The following ADAMTSL1 variants were observed in gnomAD, a reference collection of about 807,000 sequenced individuals.
The protein encoded by ADAMTSL1 is ADAMTS like 1, also known as ADAMTS-like protein 1.
In ADAMTSL1, 126 loss-of-function variants were observed where a neutral mutation model predicts 201.8. The observed-to-expected ratio is 0.62, with a 90% CI of 0.54 to 0.72. ADAMTSL1 has a LOEUF of 0.72. ADAMTSL1 is among the 30% of genes least tolerant of loss of function. The pLI is 0.00. For synonymous variants in ADAMTSL1, 1,121 were observed against 903.4 expected (o/e 1.24, Z -4.32); for missense variants, 2,679 against 2,277.8 (o/e 1.18, Z -3.59).
At chr9:17,959,024 C>T in intron 1 of ADAMTSL1, among the ~76,000 whole-genome samples, 1 of 152,102 alleles carries the variant, frequency 6.6e-6, no homozygotes. Context: ...CTAAAGTTTT[C>T]TGCCTGTGGG....
At chr9:18,463,447 T>G (rs1253540263) in intron 2 of ADAMTSL1, among the ~76,000 whole-genome samples, 1 of 152,210 alleles carries the variant, frequency 6.6e-6, no homozygotes, top group African/African-American at 2.4e-5. Context: ...GCATTAAGTA[T>G]ATTCACATTA....
intron 2 of ADAMTSL1, among the ~76,000 whole-genome samples, chr9:18,508,745 A>G (rs1336728924): frequency 2.6e-5 from 4 of 152,304 alleles, no homozygotes; most frequent in African/African-American, 9.6e-5. Context: ...AATATTAAAT[A>G]AGTACTTATA....
intron 2 of ADAMTSL1, among the ~76,000 whole-genome samples, chr9:18,213,717 C>G (rs1378209060): frequency 6.6e-6 from 1 of 152,074 alleles, no homozygotes; most frequent in Admixed American, 6.6e-5. Context: ...CCTGAGAGAT[C>G]TGAGACAGAA....
chr9:18,478,157 T>A (rs1454915223), intron 1 of ADAMTSL1, among the ~76,000 whole-genome samples: 1 of 152,190 alleles, frequency 6.6e-6, no homozygotes, highest in Non-Finnish European at 1.5e-5. Flanking sequence ...ATCTCCTAAG[T>A]TGATTCTATC....
At chr9:18,847,556 G>T (rs1826205590) in intron 23 of ADAMTSL1, among the ~76,000 whole-genome samples, 1 of 152,356 alleles carries the variant, frequency 6.6e-6, no homozygotes, top group Non-Finnish European at 1.5e-5. Context: ...TGGGAAGGAG[G>T]TTCCAATTTA....
chr9:18,654,677 T>G (rs989810329), intron 7 of ADAMTSL1, among the ~76,000 whole-genome samples: 3 of 150,260 alleles, frequency 2.0e-5, no homozygotes, highest in African/African-American at 7.3e-5. Flanking sequence ...AACAAAAGCA[T>G]TTTAAAATAG....
intron 3 of ADAMTSL1, among the ~76,000 whole-genome samples, chr9:18,552,868 C>A (rs78652391): frequency 0.013 from 1,990 of 151,632 alleles, 48 homozygotes; most frequent in African/African-American, 0.046. Flanking sequence ...TCTCTTACAT[C>A]TTTTTCTACT....
chr9:18,226,053 A>T (rs1830425441), intron 2 of ADAMTSL1, among the ~76,000 whole-genome samples: 1 of 152,104 alleles, frequency 6.6e-6, no homozygotes, highest in Non-Finnish European at 1.5e-5. Context: ...GGTTAATATT[A>T]ATTTAGGTTA....
chr9:18,791,422 A>C (rs1176566533), intron 19 of ADAMTSL1, among the ~76,000 whole-genome samples: 1 of 152,224 alleles, frequency 6.6e-6, no homozygotes, highest in East Asian at 1.9e-4. Flanking sequence ...CAAATGGGCC[A>C]AATGTACAAA....
intron 9 of ADAMTSL1, among the ~76,000 whole-genome samples, chr9:18,672,671 A>G (rs1829894019): frequency 6.6e-6 from 1 of 152,208 alleles, no homozygotes. Flanking sequence ...TTGACATTAC[A>G]TTTGAGCATT....
chr9:18,310,059 C>A (rs1168371335), intron 2 of ADAMTSL1, among the ~76,000 whole-genome samples: 1 of 152,070 alleles, frequency 6.6e-6, no homozygotes, highest in Non-Finnish European at 1.5e-5. Flanking sequence ...TGATCTTTAA[C>A]AAACCTGACA....
In ADAMTSL1 at chr9:18,699,486, A is replaced by G. The variant is rs187946153; in HGVS notation, c.1575-7261A>G. ...ACTACAGGTGTGTGCTACCAGACTCAGCTAACTTATTATAATTATTATTGG... is the reference window on the plus strand; with the variant it reads ...ACTACAGGTGTGTGCTACCAGACTCGGCTAACTTATTATAATTATTATTGG... On this transcript the variant is annotated intron_variant, in intron 13 of 28. Transcript: ENST00000380548. Among the ~76,000 whole-genome samples, 407 of 152,038 alleles carry G rather than the reference A, an allele frequency of 2.7e-3. 1 individual carries two copies. Among genetic ancestry groups the G allele is most frequent in the Non-Finnish European group, 2.5e-3 (168 of 67,968 alleles).
At chr9:18,474,340 T>A in intron 1 of ADAMTSL1, 45 bp downstream of exon 1, 2 of 1,590,062 alleles carry the variant, frequency 1.3e-6, no homozygotes, top group Non-Finnish European at 1.7e-6. Context: ...CCATTGAGTC[T>A]GGGTGCTGTT....
intron 3 of ADAMTSL1, among the ~76,000 whole-genome samples, chr9:18,541,647 G>C (rs1425852786): frequency 6.6e-6 from 1 of 152,188 alleles, no homozygotes; most frequent in Non-Finnish European, 1.5e-5. Flanking sequence ...GGGCCCTCTT[G>C]AATCCTGAGC....
intron 2 of ADAMTSL1, among the ~76,000 whole-genome samples, chr9:18,180,633 A>T (rs1412787935): frequency 2.0e-5 from 3 of 152,142 alleles, no homozygotes; most frequent in African/African-American, 7.2e-5. Flanking sequence ...AGGAAATAAA[A>T]GAGGATACAA....
intron 3 of ADAMTSL1, among the ~76,000 whole-genome samples, chr9:18,550,618 G>A (rs1820741452): frequency 6.6e-6 from 1 of 151,846 alleles, no homozygotes; most frequent in South Asian, 2.1e-4. Flanking sequence ...CCTCTAAAAA[G>A]TAAGCCCTTC....
chr9:18,907,929 G>A, intron 28 of ADAMTSL1: 2 of 184,462 alleles, frequency 1.1e-5, no homozygotes, highest in Non-Finnish European at 1.1e-5. Context: ...TGAAAATAAA[G>A]CTTAACAGAG....
At chr9:18,778,796 G>T (rs1008059907) in intron 19 of ADAMTSL1, among the ~76,000 whole-genome samples, 3 of 152,156 alleles carry the variant, frequency 2.0e-5, no homozygotes, top group Non-Finnish European at 4.4e-5. Flanking sequence ...TTTACTAAAG[G>T]TTGTATTTAT....
intron 4 of ADAMTSL1, among the ~76,000 whole-genome samples, chr9:18,577,181 TA>T (rs1457311342): frequency 6.6e-6 from 1 of 152,162 alleles, no homozygotes; most frequent in Non-Finnish European, 1.5e-5. Context: ...AGACAGAATT[TA>T]AAGTCAAAAG....
Sources: gnomAD v4.1 joint callset for allele counts (sites outside exome capture counted in the v4.1 genomes callset) on GRCh38, gnomAD v4.1.1 for gene constraint, MANE v1.5 for transcripts, NCBI Gene and HGNC (gene_info 2026-07-23, HGNC 2026-07-21) for gene names.